Variants in TRPM1 observed in about 807,000 individuals in gnomAD.
TRPM1 encodes TRPM1-203 APA Isoform, Intron 10.
A neutral mutation model predicts 149.4 loss-of-function variants in TRPM1; 113 were observed. That is an observed-to-expected ratio of 0.76 (90% confidence interval 0.65 to 0.88). TRPM1 has a LOEUF of 0.88. Among genes scored for constraint, TRPM1 ranks in the 40% least tolerant of loss-of-function variants. The pLI, the probability that TRPM1 is intolerant of heterozygous loss-of-function variation, is 0.00. For missense variants in TRPM1, 1,976 were observed against 2,038.7 expected, an observed-to-expected ratio of 0.97 and a Z score of 0.59; for synonymous variants, 741 against 759.5, an observed-to-expected ratio of 0.98 and a Z score of 0.40.
intron 21 of TRPM1, among the ~76,000 whole-genome samples, chr15:31,035,261 C>T (rs1436915721): frequency 2.0e-5 from 3 of 152,228 alleles, no homozygotes; most frequent in Non-Finnish European, 2.9e-5. Flanking sequence ...ACACCTCAGC[C>T]TCCCTAGTAG....
At chr15:31,050,361 T>C (rs997677210) in intron 12 of TRPM1, 48 bp downstream of exon 12, 10 of 1,612,908 alleles carry the variant, frequency 6.2e-6, no homozygotes, top group Non-Finnish European at 8.5e-6. Context: ...TCCCTTCCCC[T>C]GGGGAAGGGT....
At chr15:31,015,375 G>A (rs2032322610) in intron 27 of TRPM1, among the ~76,000 whole-genome samples, 1 of 151,320 alleles carries the variant, frequency 6.6e-6, no homozygotes, top group Non-Finnish European at 1.5e-5. Context: ...TCATGCCATT[G>A]CCCTCCAGCC....
chr15:31,085,750 A>T (rs2034981898), intron 1 of TRPM1, among the ~76,000 whole-genome samples: 1 of 152,208 alleles, frequency 6.6e-6, no homozygotes, highest in Non-Finnish European at 1.5e-5. Flanking sequence ...ATAGTCAATT[A>T]GGAGAACAAA....
At chr15:31,068,744 CAAAA>C (rs60411633) in intron 4 of TRPM1, among the ~76,000 whole-genome samples, 5 of 60,206 alleles carry the variant, frequency 8.3e-5, no homozygotes, top group Admixed American at 2.2e-4. Flanking sequence ...AACTCCAACT[CAAAA>C]AAAAAAAAAA....
At position 31,031,391 on chromosome 15, in the gene TRPM1, C is replaced by G. The variant is rs1595995023; in HGVS notation, c.2953-234G>C. 3 of 586,366 alleles carry G rather than the reference C, an allele frequency of 5.1e-6. 1 individual carries two copies. The Admixed American group carries it at 8.9e-5, about 17-fold the overall frequency. The allele number at this position is 586,366 out of a possible 1,614,324, so 36.3% of individuals were successfully genotyped here. ...CTATCTTCATCTGCTCTTCATCCTT[C>G]TTGCTTCTTCTCTGTTGTTGCCCAT... On this transcript the variant is annotated intron_variant, in intron 22 of 27. Transcript: ENST00000256552.
In TRPM1 at chr15:31,101,716, C is replaced by G. The variant is rs995949757; in HGVS notation, c.-143G>C. 10 of 985,924 alleles carry G rather than the reference C, an allele frequency of 1.0e-5. No homozygotes were observed. In the East Asian group the frequency reaches 1.1e-3, roughly 112 times the overall value. The allele number at this position is 985,924 out of a possible 1,614,324, so 61.1% of individuals were successfully genotyped here. On this transcript the variant is annotated 5_prime_UTR_variant, in exon 1 of 28. Coordinates refer to ENST00000256552, the MANE Select transcript of TRPM1 (RefSeq NM_001252024.2). ...AGGCTCTTTCAGCCTCCTCCTTGGC[C>G]AGGGCAGGGAGCTGGGTGAGGAGGG...
chr15:31,028,191 G>C, intron 25 of TRPM1, 141 bp downstream of exon 25: 1 of 973,066 alleles, frequency 1.0e-6, no homozygotes, highest in Non-Finnish European at 1.6e-6. Context: ...TGAACAAAGA[G>C]ACTGCAAAAA....
chr15:31,070,011 T>C lies in TRPM1; in HGVS notation c.279+20A>G. On this transcript the variant is annotated intron_variant, in intron 4 of 27. Transcript: ENST00000256552. ...GAAAGCTGTGATCCTAGTGGCACCA[T>C]GTCTGAATGCCTTTCTCACCATGGC... 1.9e-6 allele frequency: 3 copies of C among 1,614,212 alleles called. No individual in the cohort carries two copies. The highest frequency in any genetic ancestry group is 1.1e-5 in the South Asian group (1 of 91,088).
In TRPM1 at chr15:31,038,098, C is replaced by G. The variant is rs539196046; in HGVS notation, c.2385G>C (p.Ser795=). ...CCTCATTTTCCTTGGATGTTTGATA[C>G]GAGAAATCATCATATGTGCGAAATT... ...FLEFRTYDDF[S]YQTSKENEDG... Residue 795 remains serine, a synonymous_variant, in exon 19 of 28, where the codon TCG becomes TCC. Transcript: ENST00000256552. 1 of 1,614,024 alleles carries G rather than the reference C, an allele frequency of 6.2e-7. No individual in the cohort carries two copies. Among genetic ancestry groups the G allele is most frequent in the Non-Finnish European group, 8.5e-7 (1 of 1,179,960 alleles).
At chr15:31,144,171 G>A (rs1333929624) in intron 1 of TRPM1, among the ~76,000 whole-genome samples, 5 of 152,132 alleles carry the variant, frequency 3.3e-5, no homozygotes, top group African/African-American at 4.8e-5. Context: ...CAGGTACAGT[G>A]GTTCACACCT....
chr15:31,094,744 G>A (rs190304653), intron 1 of TRPM1, among the ~76,000 whole-genome samples: 1 of 152,362 alleles, frequency 6.6e-6, no homozygotes, highest in African/African-American at 2.4e-5. Context: ...TTGCAAGGAT[G>A]TGGAGGAATT....
At chr15:31,082,127 G>A (rs2034876188) in intron 1 of TRPM1, among the ~76,000 whole-genome samples, 2 of 152,306 alleles carry the variant, frequency 1.3e-5, no homozygotes, top group South Asian at 4.1e-4. Flanking sequence ...ACCTGTCCTT[G>A]TGAAAGGAGA....
At position 31,002,151 on chromosome 15, in the gene TRPM1, G is replaced by A; in HGVS notation, c.4549C>T (p.Gln1517Ter). Residue 1517 changes from glutamine to a stop codon, truncating the protein, a stop_gained, in exon 28 of 28, where the codon CAA (glutamine) becomes TAA (stop). Coordinates refer to ENST00000256552, the MANE Select transcript of TRPM1 (RefSeq NM_001252024.2). LOFTEE classifies it low-confidence loss of function (END_TRUNC). ...GCAAACTGCTCTTTATGCTCAGCTT[G>A]CACTGCAGCTTCCGACACAATGTAA... ...IPYIVSEAAVQAEHKEQFADM... is the reference protein window; with the variant it reads ...IPYIVSEAAV 2 of 1,614,230 alleles carry A rather than the reference G, an allele frequency of 1.2e-6. No homozygotes were observed. The highest frequency in any genetic ancestry group is 1.7e-6 in the Non-Finnish European group (2 of 1,180,040).
chr15:31,135,707 ACT>A (rs1263499127), intron 1 of TRPM1, among the ~76,000 whole-genome samples: 1 of 151,616 alleles, frequency 6.6e-6, no homozygotes, highest in African/African-American at 2.4e-5. Flanking sequence ...GTGAACTCTC[ACT>A]CTGTTGGTTT....
chr15:31,025,316 C>T (rs372177068), intron 27 of TRPM1, among the ~76,000 whole-genome samples: 2 of 152,142 alleles, frequency 1.3e-5, no homozygotes, highest in African/African-American at 4.8e-5. Flanking sequence ...ATGATAAAGG[C>T]TCTCAAAACT....
intron 7 of TRPM1, among the ~76,000 whole-genome samples, chr15:31,065,413 T>C (rs149708759): frequency 6.6e-6 from 1 of 152,328 alleles, no homozygotes; most frequent in African/African-American, 2.4e-5. Flanking sequence ...TTAACAATTG[T>C]TTGACGTTAA....
intron 11 of TRPM1, among the ~76,000 whole-genome samples, chr15:31,054,672 G>A (rs945529764): frequency 6.6e-6 from 1 of 152,084 alleles, no homozygotes; most frequent in Non-Finnish European, 1.5e-5. Flanking sequence ...ATTTTAATTA[G>A]CAAATGACAA....
chr15:31,095,624 G>A (rs1056043646), intron 1 of TRPM1, among the ~76,000 whole-genome samples: 1 of 152,098 alleles, frequency 6.6e-6, no homozygotes, highest in Non-Finnish European at 1.5e-5. Context: ...GGCAGAGGTT[G>A]CGGTGAGCTG....
At chr15:31,027,818 T>C (rs1018510360) in intron 25 of TRPM1, among the ~76,000 whole-genome samples, 1 of 152,224 alleles carries the variant, frequency 6.6e-6, no homozygotes, top group Non-Finnish European at 1.5e-5. Flanking sequence ...TTGAGCATGG[T>C]CAACATACTC....
Sources: gnomAD v4.1 joint callset for allele counts (sites outside exome capture counted in the v4.1 genomes callset) on GRCh38, gnomAD v4.1.1 for gene constraint, MANE v1.5 for transcripts, NCBI Gene and HGNC (gene_info 2026-07-23, HGNC 2026-07-21) for gene names.